The following NELL2 variants were observed in gnomAD, a reference collection of about 807,000 sequenced individuals.
NELL2 encodes the protein neural EGFL like 2.
In NELL2, 41 loss-of-function variants were observed where a neutral mutation model predicts 109.6. That is an observed-to-expected ratio of 0.37 (90% confidence interval 0.29 to 0.49). The LOEUF (loss-of-function observed/expected upper bound fraction) is 0.49. Ranked by LOEUF, NELL2 falls within the 20% of genes least tolerant of loss-of-function variation. The pLI is 0.98. For synonymous variants in NELL2, 355 were observed against 344.7 expected (o/e 1.03, Z -0.33); for missense variants, 900 against 1,008.3 (o/e 0.89, Z 1.45).
intron 2 of NELL2, among the ~76,000 whole-genome samples, chr12:44,833,690 T>A (rs1229788969): frequency 6.6e-6 from 1 of 152,218 alleles, no homozygotes; most frequent in Non-Finnish European, 1.5e-5. Flanking sequence ...CCTTCCCTCC[T>A]AATTCTCCAC....
chr12:44,582,549 G>A (rs1944358844), intron 15 of NELL2, among the ~76,000 whole-genome samples: 1 of 152,086 alleles, frequency 6.6e-6, no homozygotes, highest in African/African-American at 2.4e-5. Flanking sequence ...AATTAATGAA[G>A]TGAAGATACT....
At chr12:44,594,473 T>C (rs1592174968) in intron 15 of NELL2, among the ~76,000 whole-genome samples, 2 of 152,134 alleles carry the variant, frequency 1.3e-5, no homozygotes, top group East Asian at 3.8e-4. Context: ...CATAAAACTT[T>C]TGATTCCTAA....
intron 12 of NELL2, among the ~76,000 whole-genome samples, chr12:44,691,181 A>G (rs1948888446): frequency 6.6e-6 from 1 of 152,176 alleles, no homozygotes; most frequent in Non-Finnish European, 1.5e-5. Context: ...AAGGTTTGTG[A>G]CAACCCTACA....
intron 2 of NELL2, among the ~76,000 whole-genome samples, chr12:44,850,838 C>T (rs554427410): frequency 3.9e-5 from 6 of 152,156 alleles, no homozygotes; most frequent in South Asian, 2.1e-4. Context: ...CCCTTGGCTA[C>T]GGTGATAATA....
chr12:44,898,440 C>T (rs1350636109), intron 1 of NELL2, among the ~76,000 whole-genome samples: 1 of 152,202 alleles, frequency 6.6e-6, no homozygotes, highest in Non-Finnish European at 1.5e-5. Flanking sequence ...TCTGCAGACT[C>T]TGCTGATGAT....
chr12:44,531,655 C>T (rs1288100317), intron 16 of NELL2, among the ~76,000 whole-genome samples: 1 of 152,164 alleles, frequency 6.6e-6, no homozygotes, highest in Non-Finnish European at 1.5e-5. Context: ...TGTGAAAATC[C>T]TTTGAGGCAC....
Position 44,607,360 on chromosome 12 carries a change from C to T in NELL2, c.1568-96G>A. On this transcript the variant is annotated intron_variant, in intron 14 of 19. Transcript: ENST00000429094. ...TTCATTATCCCCTTGGAGATGTAAA[C>T]ATCAAATTATAAAAGCTATTTTAAT... is the stretch of plus-strand genomic sequence containing the variant. 3.6e-6 allele frequency: 3 copies of T among 831,308 alleles called. No individual in the cohort carries two copies. In the South Asian group the frequency reaches 7.0e-5, roughly 20 times the overall value. The allele number at this position is 831,308 out of a possible 1,614,324, so 51.5% of individuals were successfully genotyped here. A position where few individuals can be genotyped will look rare whatever the true frequency, so the allele number is the denominator to read the frequency against.
rs187105071 is a variant in NELL2 at position 44,555,160 on chromosome 12, G to A, written c.1664-22439C>T. On this transcript the variant is annotated intron_variant, in intron 15 of 19. Transcript: ENST00000429094. Reference sequence around the variant, plus strand: ...GGTTGGGGTTCAGGTGGAGGGGTCTGTGAGCAGCAGCCTACTCAACCTGTT... The same window carrying A: ...GGTTGGGGTTCAGGTGGAGGGGTCTATGAGCAGCAGCCTACTCAACCTGTT... Among the ~76,000 whole-genome samples the A allele has an allele frequency of 2.9e-3, 446 of 152,306 alleles. 3 individuals carry two copies. The highest frequency in any genetic ancestry group is 6.8e-3 in the Middle Eastern group (2 of 294).
At chr12:44,882,443 A>G (rs1018465871) in intron 1 of NELL2, among the ~76,000 whole-genome samples, 3 of 150,982 alleles carry the variant, frequency 2.0e-5, no homozygotes, top group Non-Finnish European at 4.4e-5. Context: ...ATACGTGTAT[A>G]TATGTATTTT....
At chr12:44,744,559 C>T (rs1004407513) in intron 9 of NELL2, among the ~76,000 whole-genome samples, 2 of 151,728 alleles carry the variant, frequency 1.3e-5, no homozygotes, top group Non-Finnish European at 2.9e-5. Flanking sequence ...GCTAGCAAGA[C>T]TAATAAAGAA....
chr12:44,690,978 C>T (rs1042927320), intron 12 of NELL2, among the ~76,000 whole-genome samples: 1 of 152,100 alleles, frequency 6.6e-6, no homozygotes, highest in African/African-American at 2.4e-5. Flanking sequence ...GCATCCAAAG[C>T]AATCATGATC....
At chr12:44,612,338 A>G (rs918280856) in intron 13 of NELL2, among the ~76,000 whole-genome samples, 19 of 152,160 alleles carry the variant, frequency 1.2e-4, no homozygotes, top group Admixed American at 5.9e-4. Context: ...TAACCCTGAA[A>G]CTACATTCTT....
At chr12:44,897,063 G>T (rs1292858746) in intron 1 of NELL2, among the ~76,000 whole-genome samples, 1 of 152,130 alleles carries the variant, frequency 6.6e-6, no homozygotes, top group East Asian at 1.9e-4. Context: ...TTCATTAAAA[G>T]GCCCTCTATA....
intron 9 of NELL2, among the ~76,000 whole-genome samples, chr12:44,773,121 T>G (rs1238605344): frequency 6.6e-6 from 1 of 152,126 alleles, no homozygotes; most frequent in African/African-American, 2.4e-5. Flanking sequence ...CATCACTTAA[T>G]GCAAATCTGT....
chr12:44,797,010 T>C (rs948994053), intron 3 of NELL2, among the ~76,000 whole-genome samples: 4 of 152,098 alleles, frequency 2.6e-5, no homozygotes, highest in African/African-American at 9.7e-5. Context: ...TGGCATTGCA[T>C]ATATTTTTAA....
At chr12:44,806,378 T>C (rs1175691337) in intron 3 of NELL2, among the ~76,000 whole-genome samples, 3 of 151,876 alleles carry the variant, frequency 2.0e-5, no homozygotes, top group Non-Finnish European at 4.4e-5. Flanking sequence ...ACTCTGCTGA[T>C]GAGAATGCAA....
In NELL2 at chr12:44,777,281, G is replaced by A. The variant is rs761572614; in HGVS notation, c.640C>T (p.Pro214Ser). 3 of 1,613,746 alleles carry A rather than the reference G, an allele frequency of 1.9e-6. No homozygotes were observed. The highest frequency in any genetic ancestry group is 2.5e-6 in the Non-Finnish European group (3 of 1,179,718). Residue 214 changes from proline (P) to serine (S), a missense_variant, in exon 6 of 20, where the codon CCC becomes TCC. Pro to Ser is a moderately conservative substitution (Grantham distance 74, BLOSUM62 -1). Coordinates refer to ENST00000429094, the MANE Select transcript of NELL2 (RefSeq NM_001145108.2). Reference protein sequence around the residue: ...IMQDVQLLVMPQGFIAQCPDL... With the variant: ...IMQDVQLLVMSQGFIAQCPDL... ...GGGCACTGAGCAATAAATCCCTGGG[G>A]CATGACAAGTAATTGGACATCTTGC...
chr12:44,767,188 C>T (rs7315703), intron 9 of NELL2, among the ~76,000 whole-genome samples: 34,141 of 151,990 alleles, frequency 0.22, 4,053 homozygotes, highest in South Asian at 0.28. Context: ...AATTTAACAA[C>T]AATTTTATAT....
At chr12:44,528,240 G>GT (rs1853335349) in intron 16 of NELL2, among the ~76,000 whole-genome samples, 3 of 136,466 alleles carry the variant, frequency 2.2e-5, no homozygotes, top group Admixed American at 1.5e-4. Flanking sequence ...GTTGTTTTTT[G>GT]TTTTTTTAAA....
Sources: gnomAD v4.1 joint callset for allele counts (sites outside exome capture counted in the v4.1 genomes callset) on GRCh38, gnomAD v4.1.1 for gene constraint, MANE v1.5 for transcripts, NCBI Gene and HGNC (gene_info 2026-07-23, HGNC 2026-07-21) for gene names.